The following SGCZ variants were observed in gnomAD, a reference collection of about 807,000 sequenced individuals.
SGCZ encodes sarcoglycan zeta.
A neutral mutation model predicts 41.3 loss-of-function variants in SGCZ; 40 were observed. That is an observed-to-expected ratio of 0.97 (90% CI 0.75 to 1.26). The LOEUF is 1.26. SGCZ is among the 50% of genes most tolerant of loss of function. SGCZ has a pLI of 0.00. For missense variants in SGCZ, 552 were observed against 369.8 expected (o/e 1.49, Z -4.04); for synonymous variants, 206 against 137.5 (o/e 1.50, Z -3.49).
At chr8:14,751,752 G>A (rs1799504550) in intron 1 of SGCZ, among the ~76,000 whole-genome samples, 1 of 151,898 alleles carries the variant, frequency 6.6e-6, no homozygotes, top group South Asian at 2.1e-4. Context: ...GTTTCACCAT[G>A]TTAGCCAGGA....
chr8:14,468,233 C>T (rs7816029), intron 2 of SGCZ, among the ~76,000 whole-genome samples: 40,429 of 151,796 alleles, frequency 0.27, 5,471 homozygotes, highest in Admixed American at 0.3. Context: ...ATGATATATA[C>T]AGATTGGGTG....
At chr8:14,897,378 A>T (rs887344162) in intron 1 of SGCZ, among the ~76,000 whole-genome samples, 1 of 152,190 alleles carries the variant, frequency 6.6e-6, no homozygotes, top group African/African-American at 2.4e-5. Context: ...TATTATACTG[A>T]GTATCCCACT....
intron 1 of SGCZ, among the ~76,000 whole-genome samples, chr8:14,819,453 T>C (rs935353915): frequency 1.3e-5 from 2 of 152,104 alleles, no homozygotes; most frequent in Non-Finnish European, 2.9e-5. Flanking sequence ...GGAAGTCCAA[T>C]CACAAGACTG....
chr8:14,667,540 T>G (rs144390299), intron 1 of SGCZ, among the ~76,000 whole-genome samples: 26 of 152,342 alleles, frequency 1.7e-4, no homozygotes, highest in Middle Eastern at 3.4e-3. Flanking sequence ...AAAATACTCT[T>G]ATTCTACTTT....
intron 1 of SGCZ, among the ~76,000 whole-genome samples, chr8:14,946,545 C>G (rs1447533546): frequency 6.6e-6 from 1 of 152,018 alleles, no homozygotes; most frequent in Non-Finnish European, 1.5e-5. Flanking sequence ...AATGAATCAT[C>G]TTTTTCTTTT....
intron 2 of SGCZ, among the ~76,000 whole-genome samples, chr8:14,453,708 T>C (rs899041301): frequency 5.9e-5 from 9 of 152,222 alleles, no homozygotes; most frequent in Admixed American, 5.2e-4. Flanking sequence ...TTTTTCAGTT[T>C]GGGCAAAAGC....
intron 7 of SGCZ, among the ~76,000 whole-genome samples, chr8:14,101,058 TTAAAATAACTAAGGTAGAA>T (rs1802004994): frequency 6.6e-6 from 1 of 152,026 alleles, no homozygotes; most frequent in East Asian, 1.9e-4. Flanking sequence ...GTATGAGCAT[TTAAAATAACTAAGGTAGAA>T]TTAAAAATGA....
intron 1 of SGCZ, among the ~76,000 whole-genome samples, chr8:14,988,589 G>C (rs2130890248): frequency 6.6e-6 from 1 of 151,992 alleles, no homozygotes; most frequent in East Asian, 1.9e-4. Flanking sequence ...CTATGCAGCT[G>C]ATGAAGCTAT....
intron 1 of SGCZ, among the ~76,000 whole-genome samples, chr8:14,888,078 T>C (rs1006120273): frequency 4.6e-5 from 7 of 152,120 alleles, no homozygotes; most frequent in African/African-American, 1.7e-4. Flanking sequence ...CTGTGCCCCC[T>C]AAATATATAT....
rs578152041 is a variant in SGCZ at position 14,136,085 on chromosome 8, A to G, written c.548-27850T>C. On this transcript the variant is annotated intron_variant, in intron 5 of 7. Transcript: ENST00000382080. ...TACACAGAGAAATCCTCAACAAACT[A>G]TTAGCAAATAAAATCTAGCAATAGA... Among the ~76,000 whole-genome samples the G allele has an allele frequency of 3.0e-4, 46 of 152,222 alleles. 1 individual carries two copies. Among genetic ancestry groups the G allele is most frequent in the Non-Finnish European group, 5.7e-4 (39 of 68,044 alleles).
intron 1 of SGCZ, among the ~76,000 whole-genome samples, chr8:14,858,751 A>G (rs1803624937): frequency 6.6e-6 from 1 of 152,142 alleles, no homozygotes; most frequent in Admixed American, 6.5e-5. Context: ...TGGTTCACTG[A>G]ATTTTACCAA....
At chr8:15,131,552 T>A (rs1157747236) in intron 1 of SGCZ, among the ~76,000 whole-genome samples, 1 of 152,258 alleles carries the variant, frequency 6.6e-6, no homozygotes, top group Non-Finnish European at 1.5e-5. Context: ...CAAATGATAT[T>A]TTATTTTTAT....
At chr8:14,720,739 A>T (rs1032722787) in intron 1 of SGCZ, among the ~76,000 whole-genome samples, 4 of 152,206 alleles carry the variant, frequency 2.6e-5, no homozygotes, top group South Asian at 2.1e-4. Context: ...GACCACGTAA[A>T]CTACCAAGAC....
intron 1 of SGCZ, among the ~76,000 whole-genome samples, chr8:14,928,095 C>T (rs1253452308): frequency 1.3e-5 from 2 of 152,194 alleles, no homozygotes; most frequent in Non-Finnish European, 2.9e-5. Flanking sequence ...ACTGGCTTGT[C>T]ACTCTGCCAT....
intron 2 of SGCZ, among the ~76,000 whole-genome samples, chr8:14,536,880 G>C (rs184694971): frequency 0.01 from 1,582 of 152,048 alleles, 22 homozygotes; most frequent in African/African-American, 0.036. Flanking sequence ...GTGTTGAGCA[G>C]AGAAGTGACC....
At chr8:14,243,073 C>T (rs1028119215) in intron 3 of SGCZ, among the ~76,000 whole-genome samples, 1 of 152,098 alleles carries the variant, frequency 6.6e-6, no homozygotes, top group Non-Finnish European at 1.5e-5. Context: ...CCTCAGATTC[C>T]AAATGAGGAG....
intron 3 of SGCZ, among the ~76,000 whole-genome samples, chr8:14,299,913 TA>T (rs957641677): frequency 7.2e-5 from 11 of 152,006 alleles, no homozygotes; most frequent in African/African-American, 2.7e-4. Flanking sequence ...TCATCAGTAA[TA>T]AGTACTGCAT....
chr8:14,323,818 T>C (rs1427010), intron 3 of SGCZ, among the ~76,000 whole-genome samples: 3 of 152,094 alleles, frequency 2.0e-5, no homozygotes, highest in Admixed American at 2.0e-4. Context: ...TGGGATTTAC[T>C]GTAACTTTAT....
chr8:15,111,136 G>C (rs1807034129), intron 1 of SGCZ, among the ~76,000 whole-genome samples: 1 of 152,048 alleles, frequency 6.6e-6, no homozygotes, highest in Admixed American at 6.6e-5. Context: ...CGGGGGCAGG[G>C]AACCCAAGGG....
Sources: gnomAD v4.1 joint callset for allele counts (sites outside exome capture counted in the v4.1 genomes callset) on GRCh38, gnomAD v4.1.1 for gene constraint, MANE v1.5 for transcripts, NCBI Gene and HGNC (gene_info 2026-07-23, HGNC 2026-07-21) for gene names.